UGT2B28: variants seen among roughly 807,000 people sequenced by gnomAD.
The protein encoded by UGT2B28 is UDP-glucuronosyltransferase 2B28.
Under a neutral mutation model 43.6 loss-of-function variants are expected in UGT2B28, and 45 were observed. The ratio of observed to expected loss-of-function variants is 1.03; its 90% CI spans 0.81 to 1.32. The LOEUF is 1.32. Among genes scored for constraint, UGT2B28 ranks in the 40% most tolerant of loss-of-function variants. The pLI is 0.00. For missense variants in UGT2B28, 649 were observed against 625.5 expected, an observed-to-expected ratio of 1.04 and a Z score of -0.40; for synonymous variants, 204 against 208.1, an observed-to-expected ratio of 0.98 and a Z score of 0.17.
Position 69,294,048 on chromosome 4 carries a change from G to A in UGT2B28, c.1311-482G>A, listed in dbSNP as rs1288750642. Among the ~76,000 whole-genome samples the A allele has an allele frequency of 2.9e-5, 4 of 139,852 alleles. 1 individual carries two copies. The highest frequency in any genetic ancestry group is 1.1e-4 in the African/African-American group (4 of 35,770). The allele number at this position is 139,852 out of a possible 152,430, so 91.7% of individuals were successfully genotyped here. ...CAATCTTTCTTACAGCACTTAAAATGGCTCATGATGTTGAGCAGGTACTCA... is the reference window on the plus strand; with the variant it reads ...CAATCTTTCTTACAGCACTTAAAATAGCTCATGATGTTGAGCAGGTACTCA... On this transcript the variant is annotated intron_variant, in intron 5 of 5. Coordinates refer to ENST00000335568, the MANE Select transcript of UGT2B28 (RefSeq NM_053039.2).
chr4:69,281,359 T>C, intron 1 of UGT2B28, 138 bp downstream of exon 1: 3 of 1,100,608 alleles, frequency 2.7e-6, no homozygotes, highest in Non-Finnish European at 3.6e-6. Flanking sequence ...AGATGATCTA[T>C]CAATCTCACA....
chr4:69,290,539 T>C, intron 4 of UGT2B28, 53 bp from the exon 5 acceptor site: 1 of 1,529,284 alleles, frequency 6.5e-7, no homozygotes, highest in Non-Finnish European at 8.8e-7. Context: ...CATTTCATTG[T>C]GTATCGCATT....
rs1357469627 is a variant in UGT2B28 at position 69,287,075 on chromosome 4, G to A, written c.1002+192G>A. 1.3e-4 allele frequency among the ~76,000 whole-genome samples: 18 copies of A among 138,166 alleles called. 3 individuals carry two copies. The highest frequency in any genetic ancestry group is 4.6e-4 in the African/African-American group (16 of 35,116). The allele number at this position is 138,166 out of a possible 152,430, so 90.6% of individuals were successfully genotyped here. ...CTTAGTGGTTACATGTGGCCCTGGG[G>A]GTGTTACTACCCTTGGTATGCATGA... On this transcript the variant is annotated intron_variant, in intron 3 of 5. Transcript: ENST00000335568.
rs780852450 is a variant in UGT2B28, at chr4:69,290,692, G to T, written c.1191G>T (p.Trp397Cys). Reference protein sequence around the residue: ...GIPMVGIPLFWDQPDNIAHMK... With the variant: ...GIPMVGIPLFCDQPDNIAHMK... ...CTATGGTAGGCATTCCATTGTTTTG[G>T]GATCAACCTGATAACATTGCTCACA... Residue 397 changes from tryptophan to cysteine, a missense_variant, in exon 5 of 6, where the codon TGG becomes TGT. Trp to Cys is a radical substitution (Grantham distance 215). Coordinates refer to ENST00000335568, the MANE Select transcript of UGT2B28 (RefSeq NM_053039.2). The T allele has an allele frequency of 2.2e-5, 34 of 1,559,072 alleles. 1 individual carries two copies. The highest frequency in any genetic ancestry group is 8.3e-5 in the South Asian group (7 of 84,392).
At chr4:69,289,204 C>T (rs1305753012) in intron 3 of UGT2B28, among the ~76,000 whole-genome samples, 1 of 139,828 alleles carries the variant, frequency 7.2e-6, no homozygotes, top group East Asian at 2.0e-4. Context: ...TACATTCCAA[C>T]CAACAGAGTA....
rs776882329 is a variant in UGT2B28 at position 69,290,672 on chromosome 4, G to T, written c.1171G>T (p.Val391Leu). The T allele has an allele frequency of 1.3e-6, 2 of 1,559,186 alleles. 1 individual carries two copies. The highest frequency in any genetic ancestry group is 3.4e-4 in the Middle Eastern group (2 of 5,842). ...GGCAATCTACCATGGGATCCCTATG[G>T]TAGGCATTCCATTGTTTTGGGATCA... ...YEAIYHGIPM[V>L]GIPLFWDQPD... Residue 391 changes from valine to leucine, a missense_variant, in exon 5 of 6, where the codon GTA (valine) becomes TTA (leucine). Transcript: ENST00000335568.
intron 5 of UGT2B28, 83 bp from the exon 6 acceptor site, chr4:69,294,447 A>G (rs1200209309): frequency 2.4e-6 from 3 of 1,266,162 alleles, no homozygotes; most frequent in Admixed American, 2.9e-5. Flanking sequence ...ATTATTTGAC[A>G]CTTTAAAAGC....
In UGT2B28 at chr4:69,280,960, T is replaced by G. The variant is rs751182022; in HGVS notation, c.460T>G (p.Phe154Val). Residue 154 changes from phenylalanine (F) to valine (V), a missense_variant, in exon 1 of 6, where the codon TTT becomes GTT. Transcript: ENST00000335568. Reference sequence around the variant, plus strand: ...TGACATCATTTTTGCAGATGCTTTTTTTCCTTGTGGTGAGCTGCTGGCTGC... The same window carrying G: ...TGACATCATTTTTGCAGATGCTTTTGTTCCTTGTGGTGAGCTGCTGGCTGC... ...RFDIIFADAF[F>V]PCGELLAALL... is the part of the protein sequence containing the mutation. 4 of 1,560,500 alleles carry G rather than the reference T, an allele frequency of 2.6e-6. No homozygotes were observed. The highest frequency in any genetic ancestry group is 3.5e-6 in the Non-Finnish European group (4 of 1,155,754).
At position 69,281,201 on chromosome 4, in the gene UGT2B28, A is replaced by G. The variant is rs767756470; in HGVS notation, c.701A>G (p.Gln234Arg). ...FQMCDMKKWD[Q>R]FYSEVLGRPT... ...ATGTGTGATATGAAGAAGTGGGATC[A>G]GTTTTACAGTGAAGTTTTAGGTAAG... The change falls in exon 1 of 6, where the codon CAG (glutamine) becomes CGG (arginine). Residue 234 changes from glutamine (Q) to arginine (R), a missense_variant. Coordinates refer to ENST00000335568, the MANE Select transcript of UGT2B28 (RefSeq NM_053039.2). 3.3e-6 allele frequency: 5 copies of G among 1,515,302 alleles called. No individual in the cohort carries two copies. The South Asian group carries it at 4.0e-5, about 12-fold the overall frequency. The allele number at this position is 1,515,302 out of a possible 1,614,324, so 93.9% of individuals were successfully genotyped here.
Position 69,286,982 on chromosome 4 carries a change from T to C in UGT2B28, c.1002+99T>C, listed in dbSNP as rs1244393603. ...AATATTAAGGCTAGACTGAACTCTT[T>C]ACAGCCAAATACAGTCTTAAATATC... On this transcript the variant is annotated intron_variant, in intron 3 of 5. Coordinates refer to ENST00000335568, the MANE Select transcript of UGT2B28 (RefSeq NM_053039.2). 17 of 1,473,564 alleles carry C rather than the reference T, an allele frequency of 1.2e-5. 2 individuals are homozygous for C. The Admixed American group carries it at 3.1e-4, about 27-fold the overall frequency. 91.3% of individuals were successfully genotyped at this position (1,473,564 alleles called of 1,614,324 possible). A position where few individuals can be genotyped will look rare whatever the true frequency, so the allele number is the denominator to read the frequency against.
In UGT2B28 at chr4:69,290,622, A is replaced by T. The variant is rs1160302421; in HGVS notation, c.1121A>T (p.His374Leu). ...GLPKTRAFIT[H>L]GGANGIYEAI... ...CCAAAAACCAGAGCTTTTATAACTCATGGTGGAGCCAATGGCATCTATGAG... is the reference window on the plus strand; with the variant it reads ...CCAAAAACCAGAGCTTTTATAACTCTTGGTGGAGCCAATGGCATCTATGAG... Residue 374 changes from histidine to leucine, a missense_variant, in exon 5 of 6, where the codon CAT (histidine) becomes CTT (leucine). Coordinates refer to ENST00000335568, the MANE Select transcript of UGT2B28 (RefSeq NM_053039.2). The T allele has an allele frequency of 6.4e-7, 1 of 1,559,314 alleles. No homozygotes were observed. The highest frequency in any genetic ancestry group is 8.7e-7 in the Non-Finnish European group (1 of 1,154,940).
Position 69,287,991 on chromosome 4 carries a change from C to A in UGT2B28, c.1002+1108C>A, listed in dbSNP as rs1283424764. On this transcript the variant is annotated intron_variant, in intron 3 of 5. Coordinates refer to ENST00000335568, the MANE Select transcript of UGT2B28 (RefSeq NM_053039.2). ...AAAATTAGTAACAAAATAAGAATGT[C>A]TTGGCTATAGCAGAACATATTAATC... 2.9e-5 allele frequency among the ~76,000 whole-genome samples: 4 copies of A among 140,100 alleles called. 2 individuals carry two copies. The highest frequency in any genetic ancestry group is 1.1e-4 in the African/African-American group (4 of 35,910). 91.9% of individuals were successfully genotyped at this position (140,100 alleles called of 152,430 possible). A position where few individuals can be genotyped will look rare whatever the true frequency, so the allele number is the denominator to read the frequency against.
At chr4:69,294,023 C>T (rs1487635282) in intron 5 of UGT2B28, among the ~76,000 whole-genome samples, 1 of 140,606 alleles carries the variant, frequency 7.1e-6, no homozygotes, top group Non-Finnish European at 1.5e-5. Context: ...CGCATTTTCA[C>T]AATCTTTCTT....
Position 69,281,246 on chromosome 4 carries a change from T to G in UGT2B28, c.721+25T>G, listed in dbSNP as rs770588366. The G allele has an allele frequency of 1.5e-4, 218 of 1,470,554 alleles. 31 individuals carry two copies. The highest frequency in any genetic ancestry group is 9.7e-4 in the African/African-American group (62 of 63,680). 91.1% of individuals were successfully genotyped at this position (1,470,554 alleles called of 1,614,324 possible). On this transcript the variant is annotated intron_variant, in intron 1 of 5. Coordinates refer to ENST00000335568, the MANE Select transcript of UGT2B28 (RefSeq NM_053039.2). ...GGTAAGAATTTGTTTAATCGGGAACTTGAAGATCTAACTTATTTGTGTCTT... is the reference window on the plus strand; with the variant it reads ...GGTAAGAATTTGTTTAATCGGGAACGTGAAGATCTAACTTATTTGTGTCTT...
In UGT2B28 at chr4:69,289,711, A is replaced by T. The variant is rs1487101045; in HGVS notation, c.1049A>T (p.Asn350Ile). The T allele has an allele frequency of 1.3e-6, 2 of 1,562,408 alleles. No homozygotes were observed. Among genetic ancestry groups the T allele is most frequent in the Non-Finnish European group, 1.7e-6 (2 of 1,157,726 alleles). ...AATAAACCAGATGCCTTAGGTCTCA[A>T]TACTCGGCTGTATAAGTGGATACCC... Reference protein sequence around the residue: ...DGNKPDALGLNTRLYKWIPQN... With the variant: ...DGNKPDALGLITRLYKWIPQN... Residue 350 changes from asparagine (N) to isoleucine (I), a missense_variant, in exon 4 of 6, where the codon AAT becomes ATT. Transcript: ENST00000335568.
At chr4:69,294,208 TATA>T (rs1724036767) in intron 5 of UGT2B28, among the ~76,000 whole-genome samples, 1 of 139,230 alleles carries the variant, frequency 7.2e-6, no homozygotes, top group Non-Finnish European at 1.5e-5. Flanking sequence ...ACCCCATAAA[TATA>T]TACACTTAAT....
In UGT2B28 at chr4:69,289,584, T is replaced by A. The variant is rs1723884715; in HGVS notation, c.1003-81T>A. ...TATTTACTAACATCCCTTGATCTCA[T>A]TCCTACCCTTTTTACAGTTCTAACA... On this transcript the variant is annotated intron_variant, in intron 3 of 5. Coordinates refer to ENST00000335568, the MANE Select transcript of UGT2B28 (RefSeq NM_053039.2). The A allele has an allele frequency of 7.0e-6, 9 of 1,285,120 alleles. 2 individuals carry two copies. The South Asian group carries it at 1.4e-4, about 20-fold the overall frequency. 79.6% of individuals were successfully genotyped at this position (1,285,120 alleles called of 1,614,324 possible).
chr4:69,280,531 C>G lies in UGT2B28; in HGVS notation c.31C>G (p.Leu11Val), dbSNP rs550980002. ...TCTGAAGTGGACTTCAGTTCTTCTG[C>G]TGATACATCTCGGTTGTTACTTTAG... The part of the protein sequence containing the change: MALKWTSVLL[L>V]IHLGCYFSSG... Residue 11 changes from leucine to valine, a missense_variant, in exon 1 of 6, where the codon CTG becomes GTG. Physicochemically the swap from Leu to Val is conservative, Grantham distance 32. Transcript: ENST00000335568. 2 of 1,557,948 alleles carry G rather than the reference C, an allele frequency of 1.3e-6. No homozygotes were observed. The highest frequency in any genetic ancestry group is 2.3e-5 in the East Asian group (1 of 43,586).
Position 69,290,126 on chromosome 4 carries a change from C to A in UGT2B28, c.1090+374C>A, listed in dbSNP as rs528758243. ...AATAGCTCTTCTATCACCAGTGACT[C>A]TGTATTATCTGGAGGACTAAATTCC... is the stretch of plus-strand genomic sequence containing the variant. On this transcript the variant is annotated intron_variant, in intron 4 of 5. Transcript: ENST00000335568. Among the ~76,000 whole-genome samples the A allele has an allele frequency of 2.1e-5, 3 of 139,896 alleles. 1 individual carries two copies. The Admixed American group carries it at 2.1e-4, about 10-fold the overall frequency. The allele number at this position is 139,896 out of a possible 152,430, so 91.8% of individuals were successfully genotyped here. A position where few individuals can be genotyped will look rare whatever the true frequency, so the allele number is the denominator to read the frequency against.
Sources: gnomAD v4.1 joint callset for allele counts (sites outside exome capture counted in the v4.1 genomes callset) on GRCh38, gnomAD v4.1.1 for gene constraint, MANE v1.5 for transcripts, NCBI Gene and HGNC (gene_info 2026-07-23, HGNC 2026-07-21) for gene names.